Variants in MACROD1 observed in about 807,000 individuals in gnomAD.
MACROD1 encodes mono-ADP ribosylhydrolase 1.
Under a neutral mutation model 41.4 loss-of-function variants are expected in MACROD1, and 31 were observed. That is an observed-to-expected ratio of 0.75 (90% CI 0.56 to 1.01). MACROD1 has a LOEUF of 1.01. MACROD1 is among the 50% of genes least tolerant of loss of function. The probability of loss-of-function intolerance (pLI) is 0.00; values close to 1 mark genes in which losing one functional copy is unlikely to be tolerated. For missense variants in MACROD1, 473 were observed against 460.0 expected, an observed-to-expected ratio of 1.03 and a Z score of -0.26; for synonymous variants, 252 against 203.4, an observed-to-expected ratio of 1.24 and a Z score of -2.03.
At chr11:64,014,343 C>T (rs1943052690) in intron 4 of MACROD1, among the ~76,000 whole-genome samples, 2 of 152,194 alleles carry the variant, frequency 1.3e-5, no homozygotes, top group Admixed American at 1.3e-4. Context: ...GGGAAAACAT[C>T]TCAGCCACAA....
rs149108703 is a variant in MACROD1, at chr11:64,055,779, C to T, written c.518-40498G>A. On this transcript the variant is annotated intron_variant, in intron 3 of 10. Transcript: ENST00000255681. The stretch of plus-strand genomic sequence containing the variant: ...CTCCTCTGCACTGCCTCAGTTTCCC[C>T]TTTCATACAGAGGATGCTGGTTTGT... 4.6e-5 allele frequency among the ~76,000 whole-genome samples: 7 copies of T among 152,294 alleles called. No homozygotes were observed. In the East Asian group the frequency reaches 9.6e-4, roughly 21 times the overall value.
chr11:64,026,410 C>T (rs1043401786), intron 3 of MACROD1, among the ~76,000 whole-genome samples: 2 of 152,160 alleles, frequency 1.3e-5, no homozygotes, highest in South Asian at 2.1e-4. Context: ...GTCAAGCATG[C>T]TTGGTTTTGT....
In MACROD1 at chr11:64,107,681, G is replaced by A. The variant is rs1041117190; in HGVS notation, c.517+43558C>T. ...AGTTCTAAATGATACCAGTGGATGG[G>A]ATCCAGGAGCAAAGCTGTTCAGGGT... On this transcript the variant is annotated intron_variant, in intron 3 of 10. Transcript: ENST00000255681. Among the ~76,000 whole-genome samples, 7 of 152,356 alleles carry A rather than the reference G, an allele frequency of 4.6e-5. No homozygotes were observed. In the East Asian group the frequency reaches 5.8e-4, roughly 13 times the overall value.
intron 2 of MACROD1, among the ~76,000 whole-genome samples, 190 bp from the exon 3 acceptor site, chr11:64,151,545 C>T (rs952979532): frequency 3.9e-5 from 6 of 152,184 alleles, no homozygotes; most frequent in Non-Finnish European, 5.9e-5. Flanking sequence ...TAAAATCACG[C>T]GGGGACTCCT....
intron 3 of MACROD1, among the ~76,000 whole-genome samples, chr11:64,121,858 T>TA (rs1945103716): frequency 6.6e-6 from 1 of 151,860 alleles, no homozygotes; most frequent in African/African-American, 2.4e-5. Flanking sequence ...AAGTTAAAGA[T>TA]AAAAAAAGCC....
At position 63,998,818 on chromosome 11, in the gene MACROD1, CG is replaced by C; in HGVS notation, c.*30+19del. Reference sequence around the variant, plus strand: ...TTAGTCTAGGGCCGGGGCCGCCGCACGGGGCGAGGCCCTGCTTACCAGTCCC... The same window carrying C: ...TTAGTCTAGGGCCGGGGCCGCCGCACGGGCGAGGCCCTGCTTACCAGTCCC... On this transcript the variant is annotated intron_variant, in intron 10 of 10. Coordinates refer to ENST00000255681, the MANE Select transcript of MACROD1 (RefSeq NM_014067.4). 6.6e-7 allele frequency: 1 copy of C among 1,516,774 alleles called. No homozygotes were observed. The highest frequency in any genetic ancestry group is 8.8e-7 in the Non-Finnish European group (1 of 1,136,874). The allele number at this position is 1,516,774 out of a possible 1,614,324, so 94.0% of individuals were successfully genotyped here. A position where few individuals can be genotyped will look rare whatever the true frequency, so the allele number is the denominator to read the frequency against.
At chr11:64,165,480 A>G (rs936490467) in intron 1 of MACROD1, among the ~76,000 whole-genome samples, 2 of 151,644 alleles carry the variant, frequency 1.3e-5, no homozygotes, top group African/African-American at 4.9e-5. Context: ...GGACACTTGG[A>G]CCTGGTCTGG....
chr11:64,048,055 C>T (rs1943618367), intron 3 of MACROD1, among the ~76,000 whole-genome samples: 1 of 152,198 alleles, frequency 6.6e-6, no homozygotes, highest in Admixed American at 6.5e-5. Flanking sequence ...CCCTGCCCGC[C>T]TGAGGCCCAG....
chr11:64,138,293 G>A lies in MACROD1; in HGVS notation c.517+12946C>T, dbSNP rs142090920. Among the ~76,000 whole-genome samples, 1,151 of 152,286 alleles carry A rather than the reference G, an allele frequency of 7.6e-3. 14 individuals are homozygous for A. Among genetic ancestry groups the A allele is most frequent in the African/African-American group, 0.025 (1,034 of 41,548 alleles). On this transcript the variant is annotated intron_variant, in intron 3 of 10. Coordinates refer to ENST00000255681, the MANE Select transcript of MACROD1 (RefSeq NM_014067.4). ...AGCTGACCCACAGAACCCCCTCCCC[G>A]GCACTGCCTGGTCTCCTCCCGCGCA... is the stretch of plus-strand genomic sequence containing the variant.
chr11:64,032,761 G>T (rs1238305371), intron 3 of MACROD1, among the ~76,000 whole-genome samples: 2 of 152,112 alleles, frequency 1.3e-5, no homozygotes, highest in Non-Finnish European at 2.9e-5. Context: ...GCTCGGCAAG[G>T]GTTTGTTGAC....
At chr11:64,050,719 A>G (rs1943677413) in intron 3 of MACROD1, among the ~76,000 whole-genome samples, 1 of 152,194 alleles carries the variant, frequency 6.6e-6, no homozygotes. Context: ...CCCGGGTTCA[A>G]GCGATTCTCC....
chr11:64,127,807 A>C (rs1269487428), intron 3 of MACROD1, among the ~76,000 whole-genome samples: 1 of 152,012 alleles, frequency 6.6e-6, no homozygotes, highest in African/African-American at 2.4e-5. Context: ...AGCTTATGCC[A>C]CCACCCCAGA....
Position 64,134,206 on chromosome 11 carries a change from C to T in MACROD1, c.517+17033G>A, listed in dbSNP as rs543362305. On this transcript the variant is annotated intron_variant, in intron 3 of 10. Transcript: ENST00000255681. ...AGGATTCCAGGGGATTCCAAAGAAG[C>T]CAAGATAACAGCCAGGGCCGCCCAG... 2.6e-5 allele frequency among the ~76,000 whole-genome samples: 4 copies of T among 152,288 alleles called. No homozygotes were observed. In the East Asian group the frequency reaches 7.7e-4, roughly 29 times the overall value.
At chr11:64,075,542 A>C (rs931966268) in intron 3 of MACROD1, among the ~76,000 whole-genome samples, 3 of 152,238 alleles carry the variant, frequency 2.0e-5, no homozygotes, top group Non-Finnish European at 4.4e-5. Flanking sequence ...GCAGAGGTGG[A>C]GGGATGATCT....
At chr11:64,091,317 A>G (rs1480852944) in intron 3 of MACROD1, among the ~76,000 whole-genome samples, 1 of 152,062 alleles carries the variant, frequency 6.6e-6, no homozygotes. Context: ...AGCTGATTTC[A>G]TCACGTTTCA....
chr11:64,039,987 T>C (rs1386222556), intron 3 of MACROD1, among the ~76,000 whole-genome samples: 1 of 152,218 alleles, frequency 6.6e-6, no homozygotes, highest in East Asian at 1.9e-4. Context: ...CCCTGGCTCT[T>C]CTGTTTTCCC....
chr11:64,040,875 A>G (rs1000175657), intron 3 of MACROD1, among the ~76,000 whole-genome samples: 1 of 152,042 alleles, frequency 6.6e-6, no homozygotes, highest in African/African-American at 2.4e-5. Flanking sequence ...ACTGCCTCCC[A>G]GGCAGACCGC....
chr11:64,037,667 C>T (rs1031056034), intron 3 of MACROD1, among the ~76,000 whole-genome samples: 4 of 152,004 alleles, frequency 2.6e-5, no homozygotes, highest in African/African-American at 9.7e-5. Context: ...GTGTGCGCAC[C>T]CAGTCCCATG....
At chr11:64,017,316 C>A (rs1247948257) in intron 3 of MACROD1, among the ~76,000 whole-genome samples, 1 of 151,868 alleles carries the variant, frequency 6.6e-6, no homozygotes, top group Non-Finnish European at 1.5e-5. Flanking sequence ...TGGGTGTAGA[C>A]GGGGTGCTGG....
Sources: allele counts gnomAD v4.1 joint callset (sites outside exome capture counted in the v4.1 genomes callset), GRCh38; gene constraint gnomAD v4.1.1; transcripts MANE v1.5; gene names NCBI Gene and HGNC (gene_info 2026-07-23, HGNC 2026-07-21).